DCC: variants seen among roughly 807,000 people sequenced by gnomAD.
The protein encoded by DCC is DCC netrin 1 receptor.
Under a neutral mutation model 172.5 loss-of-function variants are expected in DCC, and 58 were observed. The observed-to-expected ratio is 0.34, with a 90% CI of 0.27 to 0.42. DCC has a LOEUF of 0.42. Ranked by LOEUF, DCC falls within the 10% of genes least tolerant of loss-of-function variation. DCC has a pLI of 1.00. For missense variants in DCC, 1,740 were observed against 1,791.0 expected, an observed-to-expected ratio of 0.97 and a Z score of 0.51; for synonymous variants, 709 against 644.5, an observed-to-expected ratio of 1.10 and a Z score of -1.52.
intron 12 of DCC, among the ~76,000 whole-genome samples, chr18:53,269,109 T>TGC (rs935718928): frequency 2.0e-5 from 3 of 152,162 alleles, no homozygotes; most frequent in Admixed American, 2.0e-4. Flanking sequence ...TGTGTGTGTG[T>TGC]GCATGCACGC....
intron 2 of DCC, among the ~76,000 whole-genome samples, chr18:52,800,095 GTA>G (rs2037956736): frequency 6.6e-6 from 1 of 152,160 alleles, no homozygotes; most frequent in Non-Finnish European, 1.5e-5. Context: ...AATAGTGATA[GTA>G]TTCACTTTCT....
chr18:53,482,344 AAAG>A (rs1015231554), intron 25 of DCC, among the ~76,000 whole-genome samples: 1 of 152,144 alleles, frequency 6.6e-6, no homozygotes, highest in African/African-American at 2.4e-5. Context: ...ATTATTTTTG[AAAG>A]AAGGTTTATT....
chr18:52,496,990 C>T (rs1415258055), intron 1 of DCC, among the ~76,000 whole-genome samples: 1 of 151,732 alleles, frequency 6.6e-6, no homozygotes, highest in East Asian at 1.9e-4. Context: ...TGGTGGTTCA[C>T]ACCTGTAAAT....
chr18:52,962,013 A>C (rs930408491), intron 5 of DCC, among the ~76,000 whole-genome samples: 1 of 152,160 alleles, frequency 6.6e-6, no homozygotes, highest in Non-Finnish European at 1.5e-5. Context: ...CCCTAGAAGA[A>C]ACCCTAGGCA....
chr18:52,937,909 C>T (rs1163853519), intron 5 of DCC, among the ~76,000 whole-genome samples: 2 of 152,050 alleles, frequency 1.3e-5, no homozygotes, highest in African/African-American at 4.8e-5. Context: ...ACATATCATT[C>T]GGACTCTAAA....
At chr18:53,125,801 C>G (rs2043547607) in intron 7 of DCC, among the ~76,000 whole-genome samples, 1 of 152,094 alleles carries the variant, frequency 6.6e-6, no homozygotes, top group African/African-American at 2.4e-5. Context: ...CATTGACTAA[C>G]TTAACACGAG....
At chr18:53,296,715 T>A (rs2057072354) in intron 12 of DCC, among the ~76,000 whole-genome samples, 1 of 152,306 alleles carries the variant, frequency 6.6e-6, no homozygotes, top group Middle Eastern at 3.4e-3. Context: ...CACACTTTAA[T>A]GAAAACCCTC....
chr18:52,977,884 CAAAAAAAAAAAGAAAAGA>C (rs2041147409), intron 5 of DCC, among the ~76,000 whole-genome samples: 1 of 100,100 alleles, frequency 1.0e-5, no homozygotes, highest in South Asian at 3.2e-4. Context: ...GACTCCATCT[CAAAAAAAAAAAGAAAAGA>C]AAAAAGAAAA....
At chr18:52,968,323 A>G (rs1431863072) in intron 5 of DCC, among the ~76,000 whole-genome samples, 1 of 152,160 alleles carries the variant, frequency 6.6e-6, no homozygotes, top group Non-Finnish European at 1.5e-5. Context: ...ATTGCAATGC[A>G]TCAGGCAGGG....
At chr18:53,233,122 C>T (rs2056148007) in intron 12 of DCC, among the ~76,000 whole-genome samples, 1 of 152,068 alleles carries the variant, frequency 6.6e-6, no homozygotes, top group Admixed American at 6.6e-5. Context: ...TAAGGTCAAG[C>T]TAATCAGTGC....
Position 52,923,806 on chromosome 18 carries a change from A to G in DCC, c.797A>G (p.Tyr266Cys). ...GTCCTGGAATGTTGTGTTTCTGGCT[A>G]TCCTCCACCAAGTTTTACCTGGTTA... is the stretch of plus-strand genomic sequence containing the variant. ...DAVLECCVSGYPPPSFTWLRG... is the reference protein window; with the variant it reads ...DAVLECCVSGCPPPSFTWLRG... The change falls in exon 4 of 29, where the codon TAT (tyrosine) becomes TGT (cysteine). Residue 266 changes from tyrosine (Y) to cysteine (C), a missense_variant. Around this residue, in one of 2 missense-constraint regions of DCC, gnomAD observed 1,732 missense variants for 1,767.4 expected, o/e 0.98. Transcript: ENST00000442544. 7 of 1,613,408 alleles carry G rather than the reference A, an allele frequency of 4.3e-6. No homozygotes were observed. Among genetic ancestry groups the G allele is most frequent in the South Asian group, 2.2e-5 (2 of 91,080 alleles).
rs758807202 is a variant in DCC, at chr18:52,858,507, G to T, written c.413-47537G>T. 1.3e-3 allele frequency among the ~76,000 whole-genome samples: 205 copies of T among 152,270 alleles called. 1 individual carries two copies. The highest frequency in any genetic ancestry group is 2.1e-3 in the Non-Finnish European group (144 of 68,020). ...TAGGATATTAAGACATATTACTTTA[G>T]TAGAGGCATACAATTCTCCCAGGCT... On this transcript the variant is annotated intron_variant, in intron 2 of 28. Transcript: ENST00000442544.
At chr18:52,802,364 A>G (rs2038005734) in intron 2 of DCC, among the ~76,000 whole-genome samples, 1 of 152,160 alleles carries the variant, frequency 6.6e-6, no homozygotes, top group South Asian at 2.1e-4. Context: ...GTTTTTGTAT[A>G]TATACATATA....
At chr18:52,601,295 A>G (rs1447323156) in intron 1 of DCC, among the ~76,000 whole-genome samples, 1 of 152,074 alleles carries the variant, frequency 6.6e-6, no homozygotes, top group East Asian at 1.9e-4. Context: ...CATATCATAA[A>G]TTCAAATTTC....
chr18:52,621,900 T>G (rs138946839), intron 1 of DCC, among the ~76,000 whole-genome samples: 523 of 152,288 alleles, frequency 3.4e-3, no homozygotes, highest in Non-Finnish European at 4.8e-3. Flanking sequence ...TCATCCAGAA[T>G]AGTACACAAC....
chr18:52,910,578 T>C (rs1200486983), intron 3 of DCC, among the ~76,000 whole-genome samples: 2 of 152,154 alleles, frequency 1.3e-5, no homozygotes. Flanking sequence ...GAACATGTGA[T>C]GAATGGAAGC....
chr18:52,918,478 G>A (rs889235832), intron 3 of DCC, among the ~76,000 whole-genome samples: 26 of 152,126 alleles, frequency 1.7e-4, no homozygotes, highest in African/African-American at 4.3e-4. Flanking sequence ...TGCCTCGAAT[G>A]TTAGTCATTA....
intron 7 of DCC, among the ~76,000 whole-genome samples, chr18:53,119,013 G>A (rs2043445584): frequency 6.6e-6 from 1 of 151,722 alleles, no homozygotes. Context: ...AGAATCTACT[G>A]GTCATTCCTC....
chr18:52,851,742 A>G (rs535885456), intron 2 of DCC, among the ~76,000 whole-genome samples: 219 of 152,246 alleles, frequency 1.4e-3, no homozygotes, highest in African/African-American at 4.8e-3. Flanking sequence ...CATCTGAAAT[A>G]TAATTATTGA....
Sources: allele counts gnomAD v4.1 joint callset (sites outside exome capture counted in the v4.1 genomes callset), GRCh38; gene constraint gnomAD v4.1.1; regional missense constraint gnomAD v4.1.1; transcripts MANE v1.5; gene names NCBI Gene and HGNC (gene_info 2026-07-23, HGNC 2026-07-21).